The following ADAMTS17 variants were observed in gnomAD, a reference collection of about 807,000 sequenced individuals.
The protein encoded by ADAMTS17 is A disintegrin and metalloproteinase with thrombospondin motifs 17.
ADAMTS17 carries 113 observed loss-of-function variants against 141.5 expected under a neutral mutation model. The ratio of observed to expected loss-of-function variants is 0.80; its 90% CI spans 0.69 to 0.93. ADAMTS17 has a LOEUF of 0.93. Among genes scored for constraint, ADAMTS17 ranks in the 40% least tolerant of loss-of-function variants. ADAMTS17 has a pLI of 0.00. For synonymous variants in ADAMTS17, 768 were observed against 630.6 expected, an observed-to-expected ratio of 1.22 and a Z score of -3.27; for missense variants, 1,659 against 1,517.9, an observed-to-expected ratio of 1.09 and a Z score of -1.54.
At chr15:100,025,521 C>T (rs8042760) in intron 18 of ADAMTS17, among the ~76,000 whole-genome samples, 2 of 151,612 alleles carry the variant, frequency 1.3e-5, no homozygotes, top group Non-Finnish European at 2.9e-5. Flanking sequence ...AAGCAATTCT[C>T]CTGCCTCAGC....
intron 7 of ADAMTS17, among the ~76,000 whole-genome samples, chr15:100,223,666 CACAG>C (rs893639419): frequency 1.3e-4 from 19 of 150,980 alleles, no homozygotes; most frequent in Admixed American, 1.1e-3. Flanking sequence ...CACACACACC[CACAG>C]ACACACACAC....
At chr15:100,214,851 T>C (rs1305311217) in intron 7 of ADAMTS17, among the ~76,000 whole-genome samples, 1 of 152,214 alleles carries the variant, frequency 6.6e-6, no homozygotes, top group East Asian at 1.9e-4. Context: ...CGATTATCAC[T>C]ATGAGCACAA....
chr15:100,169,315 CT>C (rs1306976666), intron 8 of ADAMTS17, among the ~76,000 whole-genome samples: 2 of 152,162 alleles, frequency 1.3e-5, no homozygotes, highest in Non-Finnish European at 1.5e-5. Context: ...GGAGCCACCC[CT>C]CAACACAGAT....
intron 7 of ADAMTS17, among the ~76,000 whole-genome samples, chr15:100,207,386 C>T (rs2041615777): frequency 1.3e-5 from 2 of 152,148 alleles, no homozygotes. Context: ...TCCCAGTCTG[C>T]AGTATTCTAT....
chr15:100,153,596 A>C (rs2039292985), intron 9 of ADAMTS17, among the ~76,000 whole-genome samples: 1 of 152,198 alleles, frequency 6.6e-6, no homozygotes, highest in Non-Finnish European at 1.5e-5. Context: ...GTGAGCCAAG[A>C]TAGCGCCACT....
At chr15:100,125,255 C>T (rs2037670027) in intron 12 of ADAMTS17, among the ~76,000 whole-genome samples, 1 of 152,212 alleles carries the variant, frequency 6.6e-6, no homozygotes, top group South Asian at 2.1e-4. Flanking sequence ...TTAAGGCCTC[C>T]TCTGAAAGGT....
intron 18 of ADAMTS17, among the ~76,000 whole-genome samples, chr15:100,029,729 T>C (rs2029939459): frequency 6.6e-6 from 1 of 152,250 alleles, no homozygotes; most frequent in Non-Finnish European, 1.5e-5. Flanking sequence ...GAAGGATTTT[T>C]GCATCTGCTG....
intron 10 of ADAMTS17, among the ~76,000 whole-genome samples, chr15:100,148,840 CAG>C (rs2039032017): frequency 6.8e-6 from 1 of 147,320 alleles, no homozygotes; most frequent in Admixed American, 6.8e-5. Flanking sequence ...AAAAAAAAAA[CAG>C]AACTCAAAAA....
chr15:100,205,154 T>C (rs148096106), intron 7 of ADAMTS17, among the ~76,000 whole-genome samples: 6 of 152,262 alleles, frequency 3.9e-5, no homozygotes, highest in African/African-American at 1.4e-4. Flanking sequence ...TCCAGGATCC[T>C]GGACTTCAGG....
At chr15:100,279,454 C>G (rs1469648851) in intron 4 of ADAMTS17, among the ~76,000 whole-genome samples, 2 of 152,252 alleles carry the variant, frequency 1.3e-5, no homozygotes, top group Admixed American at 1.3e-4. Flanking sequence ...ACCCCACAAC[C>G]CACGGCTGCT....
At chr15:100,170,426 G>GC (rs146661019) in intron 8 of ADAMTS17, among the ~76,000 whole-genome samples, 1,869 of 152,270 alleles carry the variant, frequency 0.012, 34 homozygotes, top group African/African-American at 0.042. Flanking sequence ...CCCTCAGCAC[G>GC]CAGGGACTCC....
At chr15:100,148,534 G>A (rs1171054734) in intron 10 of ADAMTS17, among the ~76,000 whole-genome samples, 2 of 148,420 alleles carry the variant, frequency 1.3e-5, no homozygotes, top group African/African-American at 2.5e-5. Flanking sequence ...TTTTTTTTTA[G>A]TACTTTACAA....
At chr15:100,134,654 AAAATC>A (rs1306379999) in intron 10 of ADAMTS17, among the ~76,000 whole-genome samples, 2 of 152,224 alleles carry the variant, frequency 1.3e-5, no homozygotes, top group African/African-American at 2.4e-5. Flanking sequence ...TGTGCTGTCT[AAAATC>A]AAACAGTTTT....
intron 15 of ADAMTS17, among the ~76,000 whole-genome samples, chr15:100,071,989 C>T (rs955642829): frequency 2.7e-5 from 4 of 150,060 alleles, no homozygotes; most frequent in Admixed American, 6.7e-5. Flanking sequence ...GATGACATGA[C>T]TGTATATCTA....
At chr15:100,106,351 T>C (rs2036413451) in intron 14 of ADAMTS17, among the ~76,000 whole-genome samples, 1 of 152,222 alleles carries the variant, frequency 6.6e-6, no homozygotes, top group Non-Finnish European at 1.5e-5. Flanking sequence ...CTGAGTTGAC[T>C]AAGACGACAC....
intron 4 of ADAMTS17, among the ~76,000 whole-genome samples, chr15:100,269,129 C>G (rs1270079898): frequency 6.6e-6 from 1 of 152,146 alleles, no homozygotes; most frequent in Non-Finnish European, 1.5e-5. Context: ...AAAATGAACT[C>G]AAGATGGATT....
intron 17 of ADAMTS17, among the ~76,000 whole-genome samples, chr15:100,050,970 G>A (rs1030255654): frequency 6.6e-6 from 1 of 152,186 alleles, no homozygotes; most frequent in Non-Finnish European, 1.5e-5. Context: ...CTTGCTGTAC[G>A]ACAGGCTCTT....
At chr15:100,164,125 C>T (rs2039850699) in intron 8 of ADAMTS17, among the ~76,000 whole-genome samples, 1 of 151,754 alleles carries the variant, frequency 6.6e-6, no homozygotes, top group Non-Finnish European at 1.5e-5. Context: ...AGCACACCCT[C>T]CTCCACCCCT....
chr15:100,202,163 AT>A (rs2041359150), intron 7 of ADAMTS17, among the ~76,000 whole-genome samples: 1 of 152,116 alleles, frequency 6.6e-6, no homozygotes, highest in Non-Finnish European at 1.5e-5. Context: ...ACACAAACAC[AT>A]CCCCCCTGGC....
Sources: gnomAD v4.1 joint callset for allele counts (sites outside exome capture counted in the v4.1 genomes callset) on GRCh38, gnomAD v4.1.1 for gene constraint, MANE v1.5 for transcripts, NCBI Gene and HGNC (gene_info 2026-07-23, HGNC 2026-07-21) for gene names.